The following CARMIL1 variants were observed in gnomAD, a reference collection of about 807,000 sequenced individuals.
The protein encoded by CARMIL1 is capping protein regulator and myosin 1 linker 1.
In CARMIL1, 90 loss-of-function variants were observed where a neutral mutation model predicts 177.1. That is an observed-to-expected ratio of 0.51 (90% CI 0.43 to 0.61). The LOEUF (loss-of-function observed/expected upper bound fraction) is 0.61, where lower values mean the gene tolerates loss of function less well. Ranked by LOEUF, CARMIL1 falls within the 20% of genes least tolerant of loss-of-function variation. The probability of loss-of-function intolerance (pLI) is 0.00; values close to 1 mark genes in which losing one functional copy is unlikely to be tolerated. For synonymous variants in CARMIL1, 577 were observed against 606.2 expected, an observed-to-expected ratio of 0.95 and a Z score of 0.71; for missense variants, 1,380 against 1,667.0, an observed-to-expected ratio of 0.83 and a Z score of 3.00.
At chr6:25,597,289 T>A (rs9393650) in intron 32 of CARMIL1, among the ~76,000 whole-genome samples, 28,752 of 151,938 alleles carry the variant, frequency 0.19, 2,971 homozygotes, top group East Asian at 0.41. Flanking sequence ...CCCAATACTA[T>A]CAAAACTCAT....
chr6:25,592,168 A>C (rs1438219039), intron 31 of CARMIL1, among the ~76,000 whole-genome samples: 1 of 152,086 alleles, frequency 6.6e-6, no homozygotes, highest in African/African-American at 2.4e-5. Flanking sequence ...TCAGGTGACC[A>C]GTGTGGGTGC....
intron 2 of CARMIL1, among the ~76,000 whole-genome samples, chr6:25,406,592 G>T (rs755789574): frequency 6.6e-6 from 1 of 152,130 alleles, no homozygotes; most frequent in Non-Finnish European, 1.5e-5. Flanking sequence ...TAGAGATGGA[G>T]AGAAGTGAAT....
intron 2 of CARMIL1, among the ~76,000 whole-genome samples, chr6:25,394,213 C>T (rs1381098350): frequency 2.6e-5 from 4 of 152,180 alleles, no homozygotes; most frequent in African/African-American, 9.7e-5. Flanking sequence ...GCCCTTCCCG[C>T]TATGATTTTG....
intron 2 of CARMIL1, among the ~76,000 whole-genome samples, chr6:25,407,711 G>A (rs2150613915): frequency 6.6e-6 from 1 of 152,246 alleles, no homozygotes; most frequent in South Asian, 2.1e-4. Flanking sequence ...GGAACACGAA[G>A]GCTAAGGACA....
intron 8 of CARMIL1, among the ~76,000 whole-genome samples, chr6:25,451,843 A>T (rs536777785): frequency 6.6e-6 from 1 of 151,922 alleles, no homozygotes; most frequent in African/African-American, 2.4e-5. Flanking sequence ...TACTTAATAA[A>T]CTCCAACCCA....
At chr6:25,537,795 C>T (rs985989152) in intron 24 of CARMIL1, 60 bp from the exon 25 acceptor site, 1 of 1,593,784 alleles carries the variant, frequency 6.3e-7, no homozygotes, top group Non-Finnish European at 8.6e-7. Flanking sequence ...TCTGTGTTTC[C>T]TTCTATCTGA....
chr6:25,333,230 G>T (rs760934984), intron 2 of CARMIL1, among the ~76,000 whole-genome samples: 3 of 152,164 alleles, frequency 2.0e-5, no homozygotes, highest in African/African-American at 7.2e-5. Flanking sequence ...TTTAAAGAAA[G>T]AAATTTCTTG....
chr6:25,395,065 AT>A, intron 2 of CARMIL1, among the ~76,000 whole-genome samples: 1 of 152,242 alleles, frequency 6.6e-6, no homozygotes, highest in Admixed American at 6.5e-5. Flanking sequence ...TCTCTCCATG[AT>A]TTTGTCTAAA....
chr6:25,415,071 T>C (rs1041369216), intron 2 of CARMIL1, among the ~76,000 whole-genome samples: 11 of 152,254 alleles, frequency 7.2e-5, no homozygotes, highest in African/African-American at 2.7e-4. Flanking sequence ...TAGATCCTCA[T>C]GTATCTACCT....
In CARMIL1 at chr6:25,540,033, A is replaced by T. The variant is rs374035692; in HGVS notation, c.2283A>T (p.Glu761Asp). ...LLSSPIQETL[E>D]SMAGEVTRVV... ...CCAGTCCAATTCAGGAGACCCTGGA[A>T]TCAATGGCTGGAGAAGTTACAAGAG... The change falls in exon 26 of 37, where the codon GAA becomes GAT. Residue 761 changes from glutamate to aspartate, a missense_variant. Transcript: ENST00000329474. The T allele has an allele frequency of 1.2e-6, 2 of 1,610,184 alleles. No individual in the cohort carries two copies. Among genetic ancestry groups the T allele is most frequent in the Non-Finnish European group, 1.7e-6 (2 of 1,178,516 alleles).
At chr6:25,324,092 A>G (rs1317688467) in intron 2 of CARMIL1, among the ~76,000 whole-genome samples, 3 of 152,214 alleles carry the variant, frequency 2.0e-5, no homozygotes, top group East Asian at 1.9e-4. Context: ...ACTCCAGGTA[A>G]TCATGAATTG....
chr6:25,459,275 T>TCTTTCTTTCTTTC (rs1272799059), intron 8 of CARMIL1, among the ~76,000 whole-genome samples: 7 of 141,508 alleles, frequency 4.9e-5, no homozygotes, highest in South Asian at 2.4e-4. Flanking sequence ...TCTTTTTTTT[T>TCTTTCTTTCTTTC]TTTTTAAGAC....
At chr6:25,288,322 T>C (rs1168032003) in intron 2 of CARMIL1, among the ~76,000 whole-genome samples, 1 of 152,146 alleles carries the variant, frequency 6.6e-6, no homozygotes, top group Non-Finnish European at 1.5e-5. Flanking sequence ...CTGAGTCCTG[T>C]CCTTGCAGTT....
chr6:25,312,168 C>T (rs1349964763), intron 2 of CARMIL1, among the ~76,000 whole-genome samples: 4 of 152,120 alleles, frequency 2.6e-5, no homozygotes, highest in African/African-American at 9.7e-5. Flanking sequence ...GTCTATATTT[C>T]CTCTCACCCC....
At chr6:25,359,423 C>T (rs1788965976) in intron 2 of CARMIL1, among the ~76,000 whole-genome samples, 2 of 152,226 alleles carry the variant, frequency 1.3e-5, no homozygotes, top group African/African-American at 2.4e-5. Flanking sequence ...GCAGATTTGA[C>T]ACTGGACCCA....
At chr6:25,418,241 A>G (rs530355060) in intron 2 of CARMIL1, among the ~76,000 whole-genome samples, 51 of 152,336 alleles carry the variant, frequency 3.3e-4, no homozygotes, top group African/African-American at 1.2e-3. Flanking sequence ...GCAAACAGAA[A>G]GAGCTGGACA....
chr6:25,300,730 G>A (rs537081843), intron 2 of CARMIL1, among the ~76,000 whole-genome samples: 1 of 152,352 alleles, frequency 6.6e-6, no homozygotes, highest in Non-Finnish European at 1.5e-5. Context: ...TGGCAGTGGA[G>A]CCCTGCGATC....
At chr6:25,469,626 C>T (rs545843648) in intron 9 of CARMIL1, among the ~76,000 whole-genome samples, 10 of 152,122 alleles carry the variant, frequency 6.6e-5, no homozygotes, top group African/African-American at 1.9e-4. Flanking sequence ...GGTGCGATGA[C>T]GGTTCAATGC....
intron 26 of CARMIL1, among the ~76,000 whole-genome samples, chr6:25,547,506 G>C (rs1020903619): frequency 6.6e-6 from 1 of 152,168 alleles, no homozygotes; most frequent in Non-Finnish European, 1.5e-5. Context: ...AGAAATGACA[G>C]AAGTAGCACT....
Sources: allele counts gnomAD v4.1 joint callset (sites outside exome capture counted in the v4.1 genomes callset), GRCh38; gene constraint gnomAD v4.1.1; transcripts MANE v1.5; gene names NCBI Gene and HGNC (gene_info 2026-07-23, HGNC 2026-07-21).